Variants in TBXA2R observed in about 807,000 individuals in gnomAD.
The protein encoded by TBXA2R is thromboxane A2 receptor, also known as prostanoid TP receptor.
In TBXA2R, 15 loss-of-function variants were observed where a neutral mutation model predicts 15.6. The ratio of observed to expected loss-of-function variants is 0.96; its 90% CI spans 0.64 to 1.48. The LOEUF is 1.48. Among genes scored for constraint, TBXA2R ranks in the 40% most tolerant of loss-of-function variants. TBXA2R has a pLI of 0.00. For synonymous variants in TBXA2R, 280 were observed against 241.2 expected, an observed-to-expected ratio of 1.16 and a Z score of -1.49; for missense variants, 506 against 491.4, an observed-to-expected ratio of 1.03 and a Z score of -0.28.
At position 3,601,996 on chromosome 19, in the gene TBXA2R, C is replaced by T. The variant is rs532774062; in HGVS notation, c.-83-1279G>A. Among the ~76,000 whole-genome samples, 14 of 151,764 alleles carry T rather than the reference C, an allele frequency of 9.2e-5. No individual in the cohort carries two copies. In the East Asian group the frequency reaches 9.8e-4, roughly 11 times the overall value. On this transcript the variant is annotated intron_variant, in intron 1 of 2. Transcript: ENST00000375190. ...CAGCACTTTGGGAGGCCGAGGCGGG[C>T]GGATCACGAGGTCAGGAGATCGAGA...
chr19:3,601,535 A>C (rs1044057294), intron 1 of TBXA2R, among the ~76,000 whole-genome samples: 2 of 151,444 alleles, frequency 1.3e-5, no homozygotes, highest in Admixed American at 6.6e-5. Context: ...AAAAAAAAAA[A>C]CCAACCAACC....
chr19:3,600,622 C>A lies in TBXA2R; in HGVS notation c.13G>T (p.Gly5Cys). The A allele has an allele frequency of 1.2e-6, 2 of 1,612,556 alleles. No individual in the cohort carries two copies. Among genetic ancestry groups the A allele is most frequent in the South Asian group, 1.1e-5 (1 of 91,030 alleles). Residue 5 changes from glycine (G) to cysteine (C), a missense_variant, in exon 2 of 3, where the codon GGC (glycine) becomes TGC (cysteine). Coordinates refer to ENST00000375190, the MANE Select transcript of TBXA2R (RefSeq NM_001060.6). ...CGGAAACAGGGCCCCAGGGAACTGC[C>A]GTTGGGCCACATGGCTCCGGAGCCC... MWPN[G>C]SSLGPCFRPT...
intron 1 of TBXA2R, among the ~76,000 whole-genome samples, chr19:3,605,752 TAGAC>T (rs1197260700): frequency 6.8e-6 from 1 of 146,174 alleles, no homozygotes; most frequent in Non-Finnish European, 1.5e-5. Flanking sequence ...CACATACAGA[TAGAC>T]ACACACAGAT....
intron 1 of TBXA2R, among the ~76,000 whole-genome samples, chr19:3,601,456 T>G (rs1448500086): frequency 6.6e-6 from 1 of 151,742 alleles, no homozygotes; most frequent in Non-Finnish European, 1.5e-5. Flanking sequence ...GCCCCAGATG[T>G]TGAGGCTGCA....
rs191645110 is a variant in TBXA2R, at chr19:3,604,341, C to T, written c.-84+2189G>A. On this transcript the variant is annotated intron_variant, in intron 1 of 2. Coordinates refer to ENST00000375190, the MANE Select transcript of TBXA2R (RefSeq NM_001060.6). The stretch of plus-strand genomic sequence containing the variant: ...GTGTGACTCGGAGGGCTCTGTCCGG[C>T]GCTGTTTCCAGAGGCCCGGGCGCTG... Among the ~76,000 whole-genome samples, 58 of 152,282 alleles carry T rather than the reference C, an allele frequency of 3.8e-4. No homozygotes were observed. The East Asian group carries it at 9.9e-3, about 26-fold the overall frequency.
intron 2 of TBXA2R, among the ~76,000 whole-genome samples, chr19:3,599,138 G>A (rs2032660015): frequency 6.6e-6 from 1 of 151,910 alleles, no homozygotes; most frequent in African/African-American, 2.4e-5. Flanking sequence ...GTTTTCTACG[G>A]CTGCTTTCTA....
intron 2 of TBXA2R, among the ~76,000 whole-genome samples, chr19:3,599,321 ATTTT>A (rs2032664126): frequency 1.0e-5 from 1 of 99,416 alleles, no homozygotes; most frequent in East Asian, 2.1e-4. Context: ...TGTCTGGCTA[ATTTT>A]TTTATTTTTT....
In TBXA2R at chr19:3,600,472, C is replaced by A. The variant is rs778068953; in HGVS notation, c.163G>T (p.Gly55Trp). ...AAGGAGGAGCGCGTGTGCGAACCCC[C>A]CTGCCGCGCGCCCGCCAGCACGCTC... ...ALSVLAGARQ[G>W]GSHTRSSFLT... is the part of the protein sequence containing the mutation. The change falls in exon 2 of 3, where the codon GGG becomes TGG. Residue 55 changes from glycine to tryptophan, a missense_variant. Physicochemically the swap from Gly to Trp is radical, Grantham distance 184. Transcript: ENST00000375190. 15 of 1,612,592 alleles carry A rather than the reference C, an allele frequency of 9.3e-6. No individual in the cohort carries two copies. In the East Asian group the frequency reaches 1.3e-4, roughly 14 times the overall value.
chr19:3,600,277 G>C lies in TBXA2R; in HGVS notation c.358C>G (p.Leu120Val). The change falls in exon 2 of 3, where the codon CTG (leucine) becomes GTG (valine). Residue 120 changes from leucine (L) to valine (V), a missense_variant. Leu to Val is a conservative substitution (Grantham distance 32, BLOSUM62 1). Transcript: ENST00000375190. Reference sequence around the variant, plus strand: ...GAGGCCATGGCGGCCCCCAGCAGCAGCGGGGACAGGCCGAAGAAGATCATG... The same window carrying C: ...GAGGCCATGGCGGCCCCCAGCAGCACCGGGGACAGGCCGAAGAAGATCATG... ...VVMIFFGLSP[L>V]LLGAAMASER... is the part of the protein sequence containing the mutation. 1 of 1,612,578 alleles carries C rather than the reference G, an allele frequency of 6.2e-7. No individual in the cohort carries two copies.
intron 1 of TBXA2R, among the ~76,000 whole-genome samples, chr19:3,601,079 T>A (rs1476733437): frequency 6.6e-6 from 1 of 151,168 alleles, no homozygotes; most frequent in Non-Finnish European, 1.5e-5. Context: ...ATGGTGTCGG[T>A]TTTATAATAA....
intron 1 of TBXA2R, among the ~76,000 whole-genome samples, chr19:3,605,497 TGACA>T (rs2032813726): frequency 7.7e-6 from 1 of 129,544 alleles, no homozygotes; most frequent in Admixed American, 7.9e-5. Context: ...GATAGAAACA[TGACA>T]GACACACAGG....
At position 3,600,607 on chromosome 19, in the gene TBXA2R, G is replaced by A. The variant is rs2032717911; in HGVS notation, c.28C>T (p.Pro10Ser). The part of the protein sequence containing the change: MWPNGSSLG[P>S]CFRPTNITLE... ...GTAATGTTTGTGGGCCGGAAACAGG[G>A]CCCCAGGGAACTGCCGTTGGGCCAC... Residue 10 changes from proline to serine, a missense_variant, in exon 2 of 3, where the codon CCC becomes TCC. Transcript: ENST00000375190. 1.9e-6 allele frequency: 3 copies of A among 1,612,540 alleles called. No individual in the cohort carries two copies. The highest frequency in any genetic ancestry group is 3.3e-5 in the Admixed American group (2 of 59,974).
At chr19:3,604,810 C>A (rs1164779086) in intron 1 of TBXA2R, among the ~76,000 whole-genome samples, 1 of 152,238 alleles carries the variant, frequency 6.6e-6, no homozygotes, top group Non-Finnish European at 1.5e-5. Flanking sequence ...GGTGCCCGGG[C>A]AGCCAGCAGG....
chr19:3,600,826 GT>G (rs35168572), intron 1 of TBXA2R, 109 bp from the exon 2 acceptor site: 13,365 of 395,456 alleles, frequency 0.034, no homozygotes, highest in East Asian at 0.076. Flanking sequence ...ATCCTCTCCG[GT>G]TTTTTTTTTT....
intron 2 of TBXA2R, among the ~76,000 whole-genome samples, 166 bp downstream of exon 2, chr19:3,599,683 T>A (rs2032678371): frequency 6.6e-6 from 1 of 152,050 alleles, no homozygotes; most frequent in Non-Finnish European, 1.5e-5. Flanking sequence ...GCCAGGCTGG[T>A]CTCGGACTCC....
rs201686862 is a variant in TBXA2R at position 3,594,575 on chromosome 19, C to G, written c.*1113G>C. ...TTTGATTGCAGGTTCCAGGGCTAACCTGTAGCCCTCCCATTACAGGCTGCT... is the reference window on the plus strand; with the variant it reads ...TTTGATTGCAGGTTCCAGGGCTAACGTGTAGCCCTCCCATTACAGGCTGCT... On this transcript the variant is annotated 3_prime_UTR_variant, in exon 3 of 3. Coordinates refer to ENST00000375190, the MANE Select transcript of TBXA2R (RefSeq NM_001060.6). 2 of 334,166 alleles carry G rather than the reference C, an allele frequency of 6.0e-6. No homozygotes were observed. Among genetic ancestry groups the G allele is most frequent in the Non-Finnish European group, 1.1e-5 (2 of 178,148 alleles). 20.7% of individuals were successfully genotyped at this position (334,166 alleles called of 1,614,324 possible).
rs575746455 is a variant in TBXA2R, at chr19:3,598,887, C to CT, written c.786+961dup. Among the ~76,000 whole-genome samples, 26 of 152,226 alleles carry CT rather than the reference C, an allele frequency of 1.7e-4. No individual in the cohort carries two copies. The South Asian group carries it at 5.2e-3, about 30-fold the overall frequency. Reference sequence around the variant, plus strand: ...GTTTCACCATGTTGGCCAGCATGGTCTCCATCTCTTGACCTCATGATCTGC... The same window carrying CT: ...GTTTCACCATGTTGGCCAGCATGGTCTTCCATCTCTTGACCTCATGATCTGC... On this transcript the variant is annotated intron_variant, in intron 2 of 2. Coordinates refer to ENST00000375190, the MANE Select transcript of TBXA2R (RefSeq NM_001060.6).
At chr19:3,606,065 G>A (rs1008887320) in intron 1 of TBXA2R, among the ~76,000 whole-genome samples, 3 of 151,928 alleles carry the variant, frequency 2.0e-5, no homozygotes, top group Admixed American at 1.3e-4. Flanking sequence ...ACAGACTCTC[G>A]GCAGAAACAA....
intron 1 of TBXA2R, among the ~76,000 whole-genome samples, chr19:3,605,957 GAC>G (rs2032826074): frequency 6.7e-6 from 1 of 149,922 alleles, no homozygotes; most frequent in South Asian, 2.1e-4. Flanking sequence ...GACAGACACA[GAC>G]AGAAAAACAC....
Sources: allele counts gnomAD v4.1 joint callset (sites outside exome capture counted in the v4.1 genomes callset), GRCh38; gene constraint gnomAD v4.1.1; transcripts MANE v1.5; gene names NCBI Gene and HGNC (gene_info 2026-07-23, HGNC 2026-07-21).